CDK6: variants seen among roughly 807,000 people sequenced by gnomAD.
The protein encoded by CDK6 is cyclin dependent kinase 6, also known as cyclin-dependent kinase 6.
Under a neutral mutation model 37.1 loss-of-function variants are expected in CDK6, and 6 were observed. The observed-to-expected ratio is 0.16, with a 90% CI of 0.09 to 0.32. CDK6 has a LOEUF of 0.32. Ranked by LOEUF, CDK6 falls within the 10% of genes least tolerant of loss-of-function variation. CDK6 has a pLI of 1.00. For synonymous variants in CDK6, 160 were observed against 161.3 expected, an observed-to-expected ratio of 0.99 and a Z score of 0.06; for missense variants, 224 against 418.9, an observed-to-expected ratio of 0.53 and a Z score of 4.06.
rs142516326 is a variant in CDK6, at chr7:92,742,838, G to T, written c.370-17045C>A. On this transcript the variant is annotated intron_variant, in intron 3 of 7. Coordinates refer to ENST00000424848, the MANE Select transcript of CDK6 (RefSeq NM_001145306.2). ...TAATATTTAAAAGCCTAGCTATGAG[G>T]CTTCATTATCTGTAACATATTTAGA... 7.6e-4 allele frequency among the ~76,000 whole-genome samples: 116 copies of T among 152,158 alleles called. 4 individuals are homozygous for T. In the East Asian group the frequency reaches 0.021, roughly 27 times the overall value.
chr7:92,759,697 C>CAAAAAA (rs61188860), intron 3 of CDK6, among the ~76,000 whole-genome samples: 48 of 74,062 alleles, frequency 6.5e-4, no homozygotes, highest in African/African-American at 9.9e-4. Flanking sequence ...GACTTTAAGG[C>CAAAAAA]AAAAAAAAAA....
Position 92,725,798 on chromosome 7 carries a change from T to A in CDK6, c.370-5A>T. 2.5e-6 allele frequency: 4 copies of A among 1,600,998 alleles called. No homozygotes were observed. The highest frequency in any genetic ancestry group is 1.4e-5 in the African/African-American group (1 of 74,052). ...GAGAAGCTGAAACATCATATCCTAA[T>A]AAAATTAAAAAAAGAAAATCAGTAA... On this transcript the variant is annotated splice_region_variant and splice_polypyrimidine_tract_variant and intron_variant, in intron 3 of 7. Transcript: ENST00000424848.
intron 2 of CDK6, among the ~76,000 whole-genome samples, chr7:92,802,687 C>G (rs1365357934): frequency 2.0e-5 from 3 of 152,150 alleles, no homozygotes; most frequent in African/African-American, 7.2e-5. Flanking sequence ...TATAAAAATG[C>G]ACTACTTTTT....
intron 4 of CDK6, chr7:92,725,011 A>T: frequency 1.1e-6 from 1 of 922,454 alleles, no homozygotes; most frequent in Non-Finnish European, 1.3e-6. Flanking sequence ...TTTGCAGCTG[A>T]ATGGCAAAAA....
intron 5 of CDK6, among the ~76,000 whole-genome samples, chr7:92,667,136 A>T (rs1796974993): frequency 6.6e-6 from 1 of 152,184 alleles, no homozygotes; most frequent in African/African-American, 2.4e-5. Flanking sequence ...TAAAAAATTT[A>T]AAAATAAAAA....
intron 2 of CDK6, among the ~76,000 whole-genome samples, chr7:92,803,502 C>G (rs1490246767): frequency 6.6e-6 from 1 of 152,184 alleles, no homozygotes; most frequent in African/African-American, 2.4e-5. Context: ...GCCACATGAA[C>G]CAGGCTGGTT....
chr7:92,716,697 C>T (rs1458355552), intron 4 of CDK6, among the ~76,000 whole-genome samples: 1 of 152,074 alleles, frequency 6.6e-6, no homozygotes, highest in Admixed American at 6.5e-5. Flanking sequence ...AAAGAGGACA[C>T]AAAAATCCAA....
chr7:92,650,356 G>A (rs1796544674), intron 5 of CDK6, among the ~76,000 whole-genome samples: 1 of 152,142 alleles, frequency 6.6e-6, no homozygotes, highest in Admixed American at 6.5e-5. Flanking sequence ...CAGCCAGAGC[G>A]CGACAACAGG....
intron 3 of CDK6, among the ~76,000 whole-genome samples, chr7:92,755,291 G>A (rs1030326474): frequency 1.3e-5 from 2 of 151,934 alleles, no homozygotes; most frequent in Non-Finnish European, 2.9e-5. Context: ...GTTTAACCTC[G>A]GGGAACGTCT....
chr7:92,754,478 A>T (rs1237908400), intron 3 of CDK6, among the ~76,000 whole-genome samples: 1 of 152,172 alleles, frequency 6.6e-6, no homozygotes, highest in Admixed American at 6.5e-5. Context: ...CTTTCTGTAA[A>T]CAGTTTTAAT....
chr7:92,776,328 A>G (rs1285056667), intron 2 of CDK6, among the ~76,000 whole-genome samples: 2 of 152,206 alleles, frequency 1.3e-5, no homozygotes, highest in East Asian at 1.9e-4. Context: ...ATTTGGGTTG[A>G]TTCCAAGTCT....
chr7:92,772,596 C>G (rs899174111), intron 3 of CDK6, among the ~76,000 whole-genome samples: 1 of 152,110 alleles, frequency 6.6e-6, no homozygotes, highest in Non-Finnish European at 1.5e-5. Context: ...AACAATCACC[C>G]CCTTCTAGCA....
intron 3 of CDK6, among the ~76,000 whole-genome samples, chr7:92,766,468 T>C (rs901874017): frequency 1.1e-4 from 16 of 152,172 alleles, no homozygotes; most frequent in East Asian, 1.9e-4. Context: ...ATGTTTTACA[T>C]GGTTAGCTGA....
In CDK6 at chr7:92,645,705, G is replaced by A. The variant is rs532652382; in HGVS notation, c.648-22619C>T. Among the ~76,000 whole-genome samples the A allele has an allele frequency of 2.0e-5, 3 of 152,388 alleles. No homozygotes were observed. In the East Asian group the frequency reaches 5.8e-4, roughly 29 times the overall value. On this transcript the variant is annotated intron_variant, in intron 5 of 7. Transcript: ENST00000424848. Reference sequence around the variant, plus strand: ...CCTGTAAACAGGCAGTTAAGAGGGGGCAGGGGCACTCCTTCCTATTGTTCC... The same window carrying A: ...CCTGTAAACAGGCAGTTAAGAGGGGACAGGGGCACTCCTTCCTATTGTTCC...
intron 2 of CDK6, among the ~76,000 whole-genome samples, chr7:92,800,028 T>C (rs1800529145): frequency 6.6e-6 from 1 of 152,198 alleles, no homozygotes. Flanking sequence ...ATAATTCATC[T>C]TGTTGACCCT....
rs73710465 is a variant in CDK6 at position 92,726,102 on chromosome 7, G to C, written c.370-309C>G. Among the ~76,000 whole-genome samples, 504 of 152,240 alleles carry C rather than the reference G, an allele frequency of 3.3e-3. 4 individuals are homozygous for C. The highest frequency in any genetic ancestry group is 0.012 in the African/African-American group (484 of 41,536). On this transcript the variant is annotated intron_variant, in intron 3 of 7. Transcript: ENST00000424848. ...AACTGGTTTCAGTGGCTCATGCTGGGGAGAGGAAGGAGGAGGTCGTGAGGG... is the reference window on the plus strand; with the variant it reads ...AACTGGTTTCAGTGGCTCATGCTGGCGAGAGGAAGGAGGAGGTCGTGAGGG...
chr7:92,625,182 C>A (rs1224847429), intron 5 of CDK6, among the ~76,000 whole-genome samples: 1 of 151,220 alleles, frequency 6.6e-6, no homozygotes, highest in Non-Finnish European at 1.5e-5. Context: ...TACTAGAATG[C>A]CCAGCTTATA....
chr7:92,618,451 C>A (rs559579887), intron 6 of CDK6, among the ~76,000 whole-genome samples: 2 of 152,192 alleles, frequency 1.3e-5, no homozygotes, highest in Non-Finnish European at 2.9e-5. Flanking sequence ...AGAGATTGCT[C>A]TGGTAGCAGA....
chr7:92,715,416 C>T (rs574241817), intron 4 of CDK6, among the ~76,000 whole-genome samples: 181 of 152,248 alleles, frequency 1.2e-3, no homozygotes, highest in African/African-American at 4.3e-3. Flanking sequence ...CTACGCTTTC[C>T]CCTTTTCTCT....
Sources: gnomAD v4.1 joint callset for allele counts (sites outside exome capture counted in the v4.1 genomes callset) on GRCh38, gnomAD v4.1.1 for gene constraint, MANE v1.5 for transcripts, NCBI Gene and HGNC (gene_info 2026-07-23, HGNC 2026-07-21) for gene names.